Variants in TMEM74 observed in about 807,000 individuals in gnomAD.
TMEM74 encodes the protein transmembrane protein 74.
Under a neutral mutation model 18.1 loss-of-function variants are expected in TMEM74, and 13 were observed. The observed-to-expected ratio is 0.72, with a 90% CI of 0.47 to 1.14. The LOEUF (loss-of-function observed/expected upper bound fraction) is 1.14. Among genes scored for constraint, TMEM74 ranks in the 50% most tolerant of loss-of-function variants. The pLI, the probability that TMEM74 is intolerant of heterozygous loss-of-function variation, is 0.00. For missense variants in TMEM74, 372 were observed against 375.9 expected (o/e 0.99, Z 0.09); for synonymous variants, 159 against 146.6 (o/e 1.08, Z -0.61).
In TMEM74 at chr8:108,716,745, C is replaced by T. The variant is rs144048459; in HGVS notation, n.120-61308G>A. On this transcript the variant is annotated intron_variant and non_coding_transcript_variant, in intron 1 of 3. Coordinates refer to the TMEM74 transcript ENST00000518838. ...TAGTAAGTAAACAGCAAAACAGTAA[C>T]ATTGGTTTAAAACATCAAAGGGGAG... 2.7e-5 allele frequency among the ~76,000 whole-genome samples: 4 copies of T among 150,624 alleles called. No individual in the cohort carries two copies. The East Asian group carries it at 7.8e-4, about 29-fold the overall frequency.
rs149589278 is a variant in TMEM74 at position 108,632,474 on chromosome 8, A to G, written n.264+22819T>C. 2.6e-3 allele frequency among the ~76,000 whole-genome samples: 395 copies of G among 152,152 alleles called. 2 individuals are homozygous for G. Among genetic ancestry groups the G allele is most frequent in the African/African-American group, 8.6e-3 (358 of 41,564 alleles). ...TCATTAGAAAATGCAATGATGTTAT[A>G]AATTTTAAAAGATGATGAGAAATTT... On this transcript the variant is annotated intron_variant and non_coding_transcript_variant, in intron 2 of 3. Coordinates refer to the TMEM74 transcript ENST00000518838.
chr8:108,746,240 T>G (rs745555456), intron 1 of TMEM74, among the ~76,000 whole-genome samples: 4 of 152,190 alleles, frequency 2.6e-5, no homozygotes, highest in Non-Finnish European at 5.9e-5. Flanking sequence ...AGAGTTCCAG[T>G]TGCATTTCCC....
rs1812489622 is a variant in TMEM74 at position 108,626,016 on chromosome 8, T to G, written n.265-17190A>C. Among the ~76,000 whole-genome samples the G allele has an allele frequency of 1.3e-5, 2 of 152,012 alleles. 1 individual carries two copies. The highest frequency in any genetic ancestry group is 4.1e-4 in the South Asian group (2 of 4,822). On this transcript the variant is annotated intron_variant and non_coding_transcript_variant, in intron 2 of 3. Coordinates refer to the TMEM74 transcript ENST00000518838. ...AGACAATTGACTTGACCTTAAGACCTGGTTTACTGAGAGCCAGAATTGGGA... is the reference window on the plus strand; with the variant it reads ...AGACAATTGACTTGACCTTAAGACCGGGTTTACTGAGAGCCAGAATTGGGA...
At chr8:108,698,108 T>C (rs1187772285) in intron 1 of TMEM74, among the ~76,000 whole-genome samples, 1 of 152,198 alleles carries the variant, frequency 6.6e-6, no homozygotes, top group Non-Finnish European at 1.5e-5. Flanking sequence ...TGCTATGTAT[T>C]ATCTCTCACT....
intron 1 of TMEM74, among the ~76,000 whole-genome samples, chr8:108,752,876 G>A (rs931263061): frequency 2.6e-5 from 4 of 152,094 alleles, no homozygotes; most frequent in Admixed American, 2.0e-4. Context: ...CCAGTTCACT[G>A]GCCCTTTTTT....
chr8:108,683,673 G>T (rs780986853), intron 1 of TMEM74, among the ~76,000 whole-genome samples: 3 of 151,860 alleles, frequency 2.0e-5, no homozygotes, highest in Non-Finnish European at 4.4e-5. Flanking sequence ...GATCAGACCA[G>T]GATAAATTAG....
Position 108,660,036 on chromosome 8 carries a change from T to G in TMEM74, n.120-4599A>C, listed in dbSNP as rs1021985698. Among the ~76,000 whole-genome samples the G allele has an allele frequency of 1.3e-5, 2 of 152,318 alleles. 1 individual carries two copies. The highest frequency in any genetic ancestry group is 1.3e-4 in the Admixed American group (2 of 15,292). On this transcript the variant is annotated intron_variant and non_coding_transcript_variant, in intron 1 of 3. Coordinates refer to the TMEM74 transcript ENST00000518838. ...TCTCCTTCCACCTAACCCCGCTTCC[T>G]CTGCCTTCCTTCTACAGAATTTGAT...
At chr8:108,721,405 G>A (rs752243404) in intron 1 of TMEM74, among the ~76,000 whole-genome samples, 2 of 152,128 alleles carry the variant, frequency 1.3e-5, no homozygotes, top group Non-Finnish European at 2.9e-5. Flanking sequence ...TTGCTCTAGC[G>A]ACACTAGTCA....
downstream of TMEM74, among the ~76,000 whole-genome samples, chr8:108,776,132 G>T (rs1290393889): frequency 6.6e-6 from 1 of 152,194 alleles, no homozygotes; most frequent in African/African-American, 2.4e-5. Context: ...CTCTATGAAT[G>T]TTAAAAACAA....
intron 1 of TMEM74, among the ~76,000 whole-genome samples, chr8:108,720,667 G>A (rs1172555477): frequency 3.9e-5 from 6 of 152,104 alleles, no homozygotes; most frequent in Non-Finnish European, 5.9e-5. Context: ...TAAAAAAGAC[G>A]ATCAATATAA....
rs762627988 is a variant in TMEM74 at position 108,784,928 on chromosome 8, C to A, written c.171G>T (p.Gly57=). Residue 57 remains glycine (G), a synonymous_variant, in exon 2 of 2, where the codon GGG becomes GGT. Transcript: ENST00000297459. ...ASTPRATEME[G]SKLSSSPASP... ...ATGCTGGAGAAGAACTAAGTTTAGA[C>A]CCTTCCATCTCGGTTGCTCTTGGGG... The A allele has an allele frequency of 6.2e-6, 10 of 1,614,172 alleles. No individual in the cohort carries two copies. Among genetic ancestry groups the A allele is most frequent in the South Asian group, 1.1e-5 (1 of 91,080 alleles).
intron 1 of TMEM74, among the ~76,000 whole-genome samples, chr8:108,769,287 A>T (rs1814145063): frequency 6.6e-6 from 1 of 152,024 alleles, no homozygotes; most frequent in Non-Finnish European, 1.5e-5. Context: ...AGATTGCACT[A>T]CTGCACTCCA....
intron 2 of TMEM74, among the ~76,000 whole-genome samples, chr8:108,622,515 G>C (rs1222556144): frequency 2.6e-5 from 4 of 152,068 alleles, no homozygotes; most frequent in Non-Finnish European, 5.9e-5. Context: ...TATACTTAGG[G>C]TGGCTTTAGA....
intron 1 of TMEM74, among the ~76,000 whole-genome samples, chr8:108,711,347 C>G (rs957645809): frequency 6.6e-6 from 1 of 152,200 alleles, no homozygotes; most frequent in Non-Finnish European, 1.5e-5. Context: ...ATTTTACTCT[C>G]TATTCCAAGC....
chr8:108,726,767 T>G (rs1396747641), intron 1 of TMEM74, among the ~76,000 whole-genome samples: 1 of 152,082 alleles, frequency 6.6e-6, no homozygotes, highest in Non-Finnish European at 1.5e-5. Flanking sequence ...GACCATGTCC[T>G]TGTAGGGCTT....
chr8:108,666,355 G>A (rs1255439830), intron 1 of TMEM74, among the ~76,000 whole-genome samples: 4 of 152,180 alleles, frequency 2.6e-5, no homozygotes, highest in East Asian at 1.9e-4. Context: ...TACAGTGCAC[G>A]TGTTGGCAAT....
chr8:108,684,810 C>A (rs1157913931), intron 1 of TMEM74, among the ~76,000 whole-genome samples: 2 of 151,606 alleles, frequency 1.3e-5, no homozygotes, highest in Non-Finnish European at 2.9e-5. Flanking sequence ...TCATTTATGC[C>A]AGTACCATGC....
At chr8:108,713,905 G>A (rs1465215619) in intron 1 of TMEM74, among the ~76,000 whole-genome samples, 2 of 152,200 alleles carry the variant, frequency 1.3e-5, no homozygotes, top group Non-Finnish European at 2.9e-5. Flanking sequence ...AGAACCCAGG[G>A]GGCCACTGGT....
Position 108,784,078 on chromosome 8 carries a change from C to T in TMEM74, c.*103G>A, listed in dbSNP as rs960149952. ...ACTGGCTGTTGGTTTGTGAAATAAA[C>T]TTTTCTTGCCAGGCAAATAAATTGC... On this transcript the variant is annotated 3_prime_UTR_variant, in exon 2 of 2. Coordinates refer to ENST00000297459, the MANE Select transcript of TMEM74 (RefSeq NM_153015.3). 12 of 1,067,318 alleles carry T rather than the reference C, an allele frequency of 1.1e-5. No individual in the cohort carries two copies. Among genetic ancestry groups the T allele is most frequent in the Admixed American group, 2.9e-5 (1 of 35,012 alleles). The allele number at this position is 1,067,318 out of a possible 1,614,324, so 66.1% of individuals were successfully genotyped here. A position where few individuals can be genotyped will look rare whatever the true frequency, so the allele number is the denominator to read the frequency against.
Sources: allele counts gnomAD v4.1 joint callset (sites outside exome capture counted in the v4.1 genomes callset), GRCh38; gene constraint gnomAD v4.1.1; transcripts MANE v1.5; gene names NCBI Gene and HGNC (gene_info 2026-07-23, HGNC 2026-07-21).